CBR4: variants seen among roughly 807,000 people sequenced by gnomAD.
CBR4 encodes the protein carbonyl reductase 4.
A neutral mutation model predicts 21.0 loss-of-function variants in CBR4; 22 were observed. The observed-to-expected ratio is 1.05, with a 90% CI of 0.75 to 1.50. The LOEUF is 1.50. Among genes scored for constraint, CBR4 ranks in the 40% most tolerant of loss-of-function variants. The probability of loss-of-function intolerance (pLI) is 0.00; values close to 1 mark genes in which losing one functional copy is unlikely to be tolerated. For missense variants in CBR4, 302 were observed against 286.3 expected (o/e 1.05, Z -0.40); for synonymous variants, 100 against 104.4 (o/e 0.96, Z 0.26).
intron 4 of CBR4, chr4:169,001,021 G>A (rs1730386101): frequency 6.6e-6 from 1 of 151,968 alleles, no homozygotes; most frequent in Admixed American, 6.6e-5. Context: ...GTCTCGCTCT[G>A]TCACCTAGGC....
chr4:169,003,241 A>T (rs1439706408), intron 3 of CBR4, among the ~76,000 whole-genome samples: 1 of 152,266 alleles, frequency 6.6e-6, no homozygotes, highest in African/African-American at 2.4e-5. Flanking sequence ...CATTCAGAAC[A>T]TTTGTGATTC....
At chr4:168,990,567 G>T (rs1360027925) in intron 4 of CBR4, among the ~76,000 whole-genome samples, 2 of 151,898 alleles carry the variant, frequency 1.3e-5, no homozygotes, top group African/African-American at 2.4e-5. Context: ...CTCCCAAGTA[G>T]CTGGGACTAT....
intron 2 of CBR4, chr4:168,898,742 G>T (rs772527323): frequency 1.4e-6 from 2 of 1,460,228 alleles, no homozygotes; most frequent in Non-Finnish European, 1.9e-6. Context: ...GGCTTTTTAA[G>T]AGTCATTCTC....
At chr4:169,008,239 GACT>G (rs746633629) in intron 1 of CBR4, among the ~76,000 whole-genome samples, 1 of 151,790 alleles carries the variant, frequency 6.6e-6, no homozygotes, top group Non-Finnish European at 1.5e-5. Flanking sequence ...ATATTATAAC[GACT>G]ATTATTCAAA....
intron 2 of CBR4, among the ~76,000 whole-genome samples, chr4:168,947,034 T>A (rs1359154968): frequency 1.3e-5 from 2 of 152,144 alleles, no homozygotes; most frequent in Admixed American, 6.6e-5. Context: ...ATCTTGAAAT[T>A]ATCATCCTCA....
chr4:168,949,651 T>A (rs1416881912), intron 2 of CBR4, among the ~76,000 whole-genome samples: 1 of 152,154 alleles, frequency 6.6e-6, no homozygotes, highest in Non-Finnish European at 1.5e-5. Flanking sequence ...TAGGGAGAGT[T>A]CCCTCTTTCT....
chr4:168,963,899 T>C (rs533004099), intron 2 of CBR4, among the ~76,000 whole-genome samples: 4 of 152,300 alleles, frequency 2.6e-5, no homozygotes, highest in African/African-American at 4.8e-5. Flanking sequence ...AAAGATTAGC[T>C]GGTTGTTCAA....
intron 2 of CBR4, among the ~76,000 whole-genome samples, chr4:168,921,134 A>G (rs1394569708): frequency 6.6e-6 from 1 of 152,136 alleles, no homozygotes; most frequent in Non-Finnish European, 1.5e-5. Flanking sequence ...GGCCCGGTGC[A>G]ATGGCTCATG....
chr4:169,007,797 T>A, intron 1 of CBR4, 41 bp from the exon 2 acceptor site: 2 of 1,463,378 alleles, frequency 1.4e-6, no homozygotes, highest in Non-Finnish European at 1.9e-6. Context: ...ATAACTCAAA[T>A]TTTAAATTTA....
At chr4:168,961,730 A>G (rs1441775403) in intron 2 of CBR4, among the ~76,000 whole-genome samples, 1 of 128,752 alleles carries the variant, frequency 7.8e-6, no homozygotes, top group Non-Finnish European at 1.9e-5. Context: ...TCTCTACTAA[A>G]AATACAAAAA....
intron 2 of CBR4, among the ~76,000 whole-genome samples, chr4:168,963,851 G>A (rs558210243): frequency 1.3e-5 from 2 of 152,122 alleles, no homozygotes; most frequent in Non-Finnish European, 2.9e-5. Flanking sequence ...AACAAAAAGC[G>A]CCTATGGGAG....
rs1257282677 is a variant in CBR4 at position 168,943,319 on chromosome 4, C to T, written n.170-48554G>A. ...GAAGGTAGTGAGCCAGCTCATACAC[C>T]CAGTACATCACTACTACAACTGGCA... On this transcript the variant is annotated intron_variant and non_coding_transcript_variant, in intron 2 of 3. Transcript: ENST00000509108. Among the ~76,000 whole-genome samples the T allele has an allele frequency of 3.9e-5, 6 of 152,236 alleles. No individual in the cohort carries two copies. In the East Asian group the frequency reaches 1.2e-3, roughly 29 times the overall value.
chr4:168,903,761 A>T, intron 2 of CBR4: 2 of 1,610,342 alleles, frequency 1.2e-6, no homozygotes, highest in Non-Finnish European at 1.7e-6. Context: ...TCACAGATCT[A>T]TTGGTTTAAA....
intron 2 of CBR4, among the ~76,000 whole-genome samples, chr4:168,905,511 T>C (rs1464497752): frequency 2.0e-5 from 3 of 152,048 alleles, no homozygotes; most frequent in Admixed American, 2.0e-4. Context: ...TATTCTAATA[T>C]TCCATGGTCA....
At chr4:168,999,892 T>C (rs1292936179) in intron 4 of CBR4, among the ~76,000 whole-genome samples, 4 of 152,212 alleles carry the variant, frequency 2.6e-5, no homozygotes, top group Non-Finnish European at 5.9e-5. Flanking sequence ...TTTGTTTACA[T>C]GTCAGTCTTT....
chr4:168,923,903 G>C (rs975375178), intron 2 of CBR4, among the ~76,000 whole-genome samples: 1 of 141,640 alleles, frequency 7.1e-6, no homozygotes, highest in Admixed American at 7.4e-5. Context: ...AGTTGGTTGA[G>C]GCTGTGAATG....
chr4:168,917,765 T>A (rs1210202402), intron 2 of CBR4, among the ~76,000 whole-genome samples: 1 of 152,188 alleles, frequency 6.6e-6, no homozygotes, highest in African/African-American at 2.4e-5. Context: ...TTTTACAGTA[T>A]AAATACACAA....
intron 2 of CBR4, among the ~76,000 whole-genome samples, chr4:168,980,308 A>G (rs1400297351): frequency 1.3e-5 from 2 of 152,154 alleles, no homozygotes; most frequent in Non-Finnish European, 2.9e-5. Flanking sequence ...TGCAAATGGA[A>G]GGAAATACAA....
intron 2 of CBR4, among the ~76,000 whole-genome samples, chr4:168,916,433 A>C (rs1760099886): frequency 6.6e-6 from 1 of 152,100 alleles, no homozygotes; most frequent in Non-Finnish European, 1.5e-5. Flanking sequence ...ATTCTAGCTT[A>C]AGGGGGGGAA....
Sources: gnomAD v4.1 joint callset for allele counts (sites outside exome capture counted in the v4.1 genomes callset) on GRCh38, gnomAD v4.1.1 for gene constraint, MANE v1.5 for transcripts, NCBI Gene and HGNC (gene_info 2026-07-23, HGNC 2026-07-21) for gene names.